OPCML: variants seen among roughly 807,000 people sequenced by gnomAD.
OPCML encodes opioid-binding protein/cell adhesion molecule.
Under a neutral mutation model 37.8 loss-of-function variants are expected in OPCML, and 13 were observed. That is an observed-to-expected ratio of 0.34 (90% confidence interval 0.22 to 0.55). The LOEUF (loss-of-function observed/expected upper bound fraction) is 0.55, where lower values mean the gene tolerates loss of function less well. Ranked by LOEUF, OPCML falls within the 20% of genes least tolerant of loss-of-function variation. The pLI is 0.91. For missense variants in OPCML, 341 were observed against 435.6 expected, an observed-to-expected ratio of 0.78 and a Z score of 1.93; for synonymous variants, 176 against 168.8, an observed-to-expected ratio of 1.04 and a Z score of -0.33.
chr11:132,596,703 G>A (rs2096493102), intron 3 of OPCML, among the ~76,000 whole-genome samples: 1 of 152,050 alleles, frequency 6.6e-6, no homozygotes, highest in South Asian at 2.1e-4. Context: ...CCTAGTCTTG[G>A]GAAAACTATC....
chr11:132,718,492 T>C (rs979019201), intron 2 of OPCML, among the ~76,000 whole-genome samples: 1 of 152,148 alleles, frequency 6.6e-6, no homozygotes, highest in East Asian at 1.9e-4. Context: ...CAGGCATCCG[T>C]AAGATCTGAG....
chr11:132,672,673 A>G (rs1190376283), intron 2 of OPCML, among the ~76,000 whole-genome samples: 1 of 152,168 alleles, frequency 6.6e-6, no homozygotes, highest in African/African-American at 2.4e-5. Flanking sequence ...TAATTAAGAG[A>G]GCGAGAATTG....
chr11:133,459,094 G>A (rs77144140), intron 1 of OPCML, among the ~76,000 whole-genome samples: 2,342 of 152,084 alleles, frequency 0.015, 59 homozygotes, highest in African/African-American at 0.053. Flanking sequence ...GTTTGGGGAG[G>A]AGGAGCTGTA....
At chr11:132,450,093 A>C (rs1457090220) in intron 4 of OPCML, among the ~76,000 whole-genome samples, 2 of 152,118 alleles carry the variant, frequency 1.3e-5, no homozygotes, top group Non-Finnish European at 2.9e-5. Context: ...GTCGTCCTCC[A>C]AAGCACCCTG....
chr11:133,045,213 C>G (rs1947983969), intron 1 of OPCML, among the ~76,000 whole-genome samples: 1 of 152,180 alleles, frequency 6.6e-6, no homozygotes, highest in South Asian at 2.1e-4. Flanking sequence ...TTTCACACCT[C>G]TGGCAGGATG....
At chr11:132,592,970 T>C (rs1412576962) in intron 3 of OPCML, among the ~76,000 whole-genome samples, 2 of 152,160 alleles carry the variant, frequency 1.3e-5, no homozygotes, top group African/African-American at 4.8e-5. Context: ...GGAGAGAGCA[T>C]GTTCACGGAG....
intron 2 of OPCML, among the ~76,000 whole-genome samples, chr11:132,713,632 T>G (rs1944355275): frequency 6.6e-6 from 1 of 152,250 alleles, no homozygotes; most frequent in South Asian, 2.1e-4. Flanking sequence ...CCCTCATACC[T>G]AAAATGGATT....
chr11:132,509,570 C>A (rs1309647370), intron 4 of OPCML, among the ~76,000 whole-genome samples: 1 of 152,148 alleles, frequency 6.6e-6, no homozygotes, highest in Non-Finnish European at 1.5e-5. Context: ...GGACTTGGTG[C>A]CCTGTGTCGC....
rs76093595 is a variant in OPCML, at chr11:132,457,795, G to A, written c.506-20436C>T. Among the ~76,000 whole-genome samples, 971 of 152,286 alleles carry A rather than the reference G, an allele frequency of 6.4e-3. 15 individuals are homozygous for A. Among genetic ancestry groups the A allele is most frequent in the African/African-American group, 0.022 (921 of 41,560 alleles). ...CTGCTGAGCCCTCTGGGGAACTGAG[G>A]CAATGGGCTGTCTCTTCCTATGTTA... On this transcript the variant is annotated intron_variant, in intron 4 of 7. Transcript: ENST00000524381.
Position 132,622,917 on chromosome 11 carries a change from G to T in OPCML, c.379+34170C>A, listed in dbSNP as rs1939508567. ...TATTTAGTTCTCTACTTACTGTACAGCCTCAGGCAACTCATCGTATCTCTT... is the reference window on the plus strand; with the variant it reads ...TATTTAGTTCTCTACTTACTGTACATCCTCAGGCAACTCATCGTATCTCTT... On this transcript the variant is annotated intron_variant, in intron 3 of 7. Transcript: ENST00000524381. Among the ~76,000 whole-genome samples the T allele has an allele frequency of 1.3e-5, 2 of 152,174 alleles. 1 individual carries two copies. Among genetic ancestry groups the T allele is most frequent in the Admixed American group, 1.3e-4 (2 of 15,276 alleles).
chr11:133,386,495 C>T (rs1945056883), intron 1 of OPCML, among the ~76,000 whole-genome samples: 1 of 152,210 alleles, frequency 6.6e-6, no homozygotes, highest in Non-Finnish European at 1.5e-5. Context: ...TTTTCTGTCT[C>T]ACAAGCGCTC....
chr11:133,113,257 TC>T (rs11353798), intron 1 of OPCML, among the ~76,000 whole-genome samples: 19,387 of 152,142 alleles, frequency 0.13, 1,713 homozygotes, highest in African/African-American at 0.26. Flanking sequence ...ATCTGTTTTT[TC>T]CCCACACTTT....
At chr11:133,169,231 A>G (rs1950255611) in intron 1 of OPCML, among the ~76,000 whole-genome samples, 2 of 152,228 alleles carry the variant, frequency 1.3e-5, no homozygotes, top group African/African-American at 4.8e-5. Context: ...CTTTCCCAAT[A>G]TCGTACAGCT....
chr11:133,073,124 C>T (rs151258103), intron 1 of OPCML, among the ~76,000 whole-genome samples: 106 of 152,258 alleles, frequency 7.0e-4, no homozygotes, highest in African/African-American at 2.4e-3. Context: ...GCCTGAGGGA[C>T]GGAGGGGGAA....
chr11:132,435,046 C>T lies in OPCML; in HGVS notation c.916+1040G>A, dbSNP rs1368315872. The T allele has an allele frequency of 1.1e-5, 6 of 535,738 alleles. No individual in the cohort carries two copies. In the African/African-American group the frequency reaches 1.2e-4, roughly 10 times the overall value. The allele number at this position is 535,738 out of a possible 1,614,324, so 33.2% of individuals were successfully genotyped here. ...CAAGCCCCTTGAGGTCTATCTACCTCAGAGACATAAATTACAGAGGTGAAG... is the reference window on the plus strand; with the variant it reads ...CAAGCCCCTTGAGGTCTATCTACCTTAGAGACATAAATTACAGAGGTGAAG... On this transcript the variant is annotated intron_variant, in intron 7 of 7. Transcript: ENST00000524381.
intron 2 of OPCML, among the ~76,000 whole-genome samples, chr11:132,732,190 A>G (rs1332376925): frequency 1.3e-5 from 2 of 152,342 alleles, no homozygotes; most frequent in East Asian, 3.9e-4. Flanking sequence ...AACAAGAATA[A>G]TAAGGACCTA....
intron 1 of OPCML, among the ~76,000 whole-genome samples, chr11:133,085,595 G>C (rs578013): frequency 0.47 from 72,052 of 152,122 alleles, 19,158 homozygotes; most frequent in Non-Finnish European, 0.59. Context: ...CCTGATGAAT[G>C]TAATTTATAT....
At chr11:133,517,796 T>C (rs1948314497) in intron 1 of OPCML, among the ~76,000 whole-genome samples, 1 of 152,218 alleles carries the variant, frequency 6.6e-6, no homozygotes. Flanking sequence ...AGGAGTTTTC[T>C]GAGCCAGAGT....
chr11:132,436,782 G>A lies in OPCML; in HGVS notation c.644-3C>T. The A allele has an allele frequency of 6.2e-7, 1 of 1,613,894 alleles. No individual in the cohort carries two copies. Among genetic ancestry groups the A allele is most frequent in the Non-Finnish European group, 8.5e-7 (1 of 1,179,880 alleles). On this transcript the variant is annotated splice_region_variant and splice_polypyrimidine_tract_variant and intron_variant, in intron 5 of 7. Transcript: ENST00000524381. ...GGCTTTTGAGATATAGGGAGGATCT[G>A]TGGGAAACACACACACACACATGCA...
Sources: allele counts gnomAD v4.1 joint callset (sites outside exome capture counted in the v4.1 genomes callset), GRCh38; gene constraint gnomAD v4.1.1; transcripts MANE v1.5; gene names NCBI Gene and HGNC (gene_info 2026-07-23, HGNC 2026-07-21).